The following BMPER variants were observed in gnomAD, a reference collection of about 807,000 sequenced individuals.
BMPER encodes the protein BMP binding endothelial regulator.
In BMPER, 45 loss-of-function variants were observed where a neutral mutation model predicts 87.3. The ratio of observed to expected loss-of-function variants is 0.52; its 90% CI spans 0.41 to 0.66. BMPER has a LOEUF of 0.66. Among genes scored for constraint, BMPER ranks in the 30% least tolerant of loss-of-function variants. BMPER has a pLI of 0.00. For synonymous variants in BMPER, 326 were observed against 316.2 expected, an observed-to-expected ratio of 1.03 and a Z score of -0.33; for missense variants, 784 against 867.5, an observed-to-expected ratio of 0.90 and a Z score of 1.21.
At chr7:33,968,568 C>T (rs1330110217) in intron 4 of BMPER, among the ~76,000 whole-genome samples, 2 of 152,154 alleles carry the variant, frequency 1.3e-5, no homozygotes, top group African/African-American at 4.8e-5. Context: ...TGCTACTTAA[C>T]CTCGCTGTAC....
At chr7:34,126,780 C>T (rs189097013) in intron 13 of BMPER, among the ~76,000 whole-genome samples, 4 of 152,214 alleles carry the variant, frequency 2.6e-5, no homozygotes, top group East Asian at 1.9e-4. Context: ...ACCATAGCAT[C>T]GTTAACTGCC....
At chr7:34,023,938 A>T (rs1162999120) in intron 6 of BMPER, among the ~76,000 whole-genome samples, 1 of 151,448 alleles carries the variant, frequency 6.6e-6, no homozygotes, top group Non-Finnish European at 1.5e-5. Context: ...CTTCTGTTAA[A>T]GTATGCCAAA....
chr7:34,089,171 A>C (rs1789305567), intron 13 of BMPER, among the ~76,000 whole-genome samples: 1 of 152,168 alleles, frequency 6.6e-6, no homozygotes, highest in African/African-American at 2.4e-5. Context: ...CAAGACTCAA[A>C]AATTTATTTT....
intron 13 of BMPER, among the ~76,000 whole-genome samples, chr7:34,140,390 G>A (rs765249616): frequency 4.6e-5 from 7 of 152,030 alleles, no homozygotes; most frequent in African/African-American, 4.8e-5. Flanking sequence ...TTTAACTTCC[G>A]AGACAAAACA....
At chr7:34,020,896 GCACA>G (rs1278006497) in intron 6 of BMPER, among the ~76,000 whole-genome samples, 1 of 146,902 alleles carries the variant, frequency 6.8e-6, no homozygotes, top group Non-Finnish European at 1.5e-5. Flanking sequence ...ACACACGCAC[GCACA>G]CACACATATG....
At position 34,148,920 on chromosome 7, in the gene BMPER, G is replaced by C. The variant is rs78709343; in HGVS notation, c.1877-4172G>C. ...CTAGAGGGCAAGTGAGTTGAAAGAG[G>C]GCAAGGTGAGTTCTGAAAGCAGCGG... On this transcript the variant is annotated intron_variant, in intron 14 of 14. Coordinates refer to ENST00000649409, the MANE Select transcript of BMPER (RefSeq NM_001365308.1). Among the ~76,000 whole-genome samples, 615 of 152,262 alleles carry C rather than the reference G, an allele frequency of 4.0e-3. 2 individuals are homozygous for C. Among genetic ancestry groups the C allele is most frequent in the African/African-American group, 0.013 (544 of 41,542 alleles).
chr7:33,994,126 C>T (rs2127929345), intron 6 of BMPER, among the ~76,000 whole-genome samples: 1 of 152,058 alleles, frequency 6.6e-6, no homozygotes, highest in South Asian at 2.1e-4. Context: ...GGCAGGCCTC[C>T]TTGAGCTGTG....
At chr7:33,959,957 C>T (rs770457139) in intron 3 of BMPER, among the ~76,000 whole-genome samples, 4 of 152,168 alleles carry the variant, frequency 2.6e-5, no homozygotes, top group Non-Finnish European at 5.9e-5. Context: ...TCACTGTACT[C>T]ATCTGAAATT....
chr7:33,970,203 G>A (rs373315063), intron 4 of BMPER, 126 bp from the exon 5 acceptor site: 77 of 879,136 alleles, frequency 8.8e-5, no homozygotes, highest in Admixed American at 1.6e-4. Context: ...CATACCTCTC[G>A]CCCTGACACC....
intron 6 of BMPER, among the ~76,000 whole-genome samples, chr7:34,040,152 G>A (rs1787797557): frequency 6.6e-6 from 1 of 152,140 alleles, no homozygotes; most frequent in African/African-American, 2.4e-5. Context: ...AGAATGTTGA[G>A]ATGAAGCTGG....
chr7:34,082,687 A>G (rs1222779141), intron 12 of BMPER, among the ~76,000 whole-genome samples: 2 of 152,212 alleles, frequency 1.3e-5, no homozygotes, highest in Admixed American at 1.3e-4. Flanking sequence ...TCCACTGCAA[A>G]GAAAGAACAC....
At chr7:33,986,980 C>T (rs1469891825) in intron 6 of BMPER, among the ~76,000 whole-genome samples, 4 of 151,982 alleles carry the variant, frequency 2.6e-5, no homozygotes, top group East Asian at 1.9e-4. Context: ...CATCTCCTTC[C>T]CCGCCTGCTT....
Position 34,154,386 on chromosome 7 carries a change from A to C in BMPER, c.*1113A>C, listed in dbSNP as rs1322163953. 6.6e-6 allele frequency: 1 copy of C among 152,216 alleles called. No homozygotes were observed. Among genetic ancestry groups the C allele is most frequent in the Non-Finnish European group, 1.5e-5 (1 of 68,042 alleles). 9.4% of individuals were successfully genotyped at this position (152,216 alleles called of 1,614,324 possible). ...TACTAGTTACCATTTGATTGTCTTG[A>C]CTTTCGTCTTCAGTTGAATTGGTGA... On this transcript the variant is annotated 3_prime_UTR_variant, in exon 15 of 15. Transcript: ENST00000649409.
At chr7:34,093,326 C>T (rs183098082) in intron 13 of BMPER, among the ~76,000 whole-genome samples, 40 of 152,292 alleles carry the variant, frequency 2.6e-4, no homozygotes, top group Admixed American at 2.0e-3. Context: ...TATTGGAACC[C>T]GATCGCATGC....
intron 3 of BMPER, among the ~76,000 whole-genome samples, chr7:33,937,777 C>T (rs1334829301): frequency 1.3e-5 from 2 of 152,284 alleles, no homozygotes; most frequent in East Asian, 3.9e-4. Flanking sequence ...ACCCTGCCCA[C>T]CTCTGCCAGA....
chr7:34,004,262 A>G (rs755533044), intron 6 of BMPER, among the ~76,000 whole-genome samples: 7 of 151,632 alleles, frequency 4.6e-5, no homozygotes, highest in Non-Finnish European at 8.8e-5. Flanking sequence ...ATGCTTTTTT[A>G]TTGGTATTCT....
intron 14 of BMPER, among the ~76,000 whole-genome samples, chr7:34,148,767 A>G (rs1291535122): frequency 1.3e-5 from 2 of 152,186 alleles, no homozygotes; most frequent in African/African-American, 4.8e-5. Context: ...AGAGGAAAAA[A>G]CATGGGAGAC....
intron 6 of BMPER, among the ~76,000 whole-genome samples, chr7:34,032,125 A>C (rs1279438176): frequency 6.6e-6 from 1 of 151,504 alleles, no homozygotes. Context: ...ATGAGACTGA[A>C]TACTATTGTT....
At chr7:34,068,074 G>C (rs1204096222) in intron 11 of BMPER, among the ~76,000 whole-genome samples, 3 of 151,864 alleles carry the variant, frequency 2.0e-5, no homozygotes, top group African/African-American at 4.9e-5. Context: ...GTACCCACCA[G>C]CAGCAGCAGC....
Sources: gnomAD v4.1 joint callset for allele counts (sites outside exome capture counted in the v4.1 genomes callset) on GRCh38, gnomAD v4.1.1 for gene constraint, MANE v1.5 for transcripts, NCBI Gene and HGNC (gene_info 2026-07-23, HGNC 2026-07-21) for gene names.